CHM: variants seen among roughly 807,000 people sequenced by gnomAD.
CHM encodes the protein CHM Rab escort protein, also known as rab proteins geranylgeranyltransferase component A 1.
A neutral mutation model predicts 49.0 loss-of-function variants in CHM; 10 were observed. The ratio of observed to expected loss-of-function variants is 0.20; its 90% CI spans 0.13 to 0.35. CHM has a LOEUF of 0.35. CHM is among the 10% of genes least tolerant of loss of function. The probability of loss-of-function intolerance (pLI) is 1.00; values close to 1 mark genes in which losing one functional copy is unlikely to be tolerated. For missense variants in CHM, 455 were observed against 478.4 expected (o/e 0.95, Z 0.46); for synonymous variants, 184 against 167.5 (o/e 1.10, Z -0.76).
rs751717023 is a variant in CHM at position 85,925,871 on chromosome X, G to A, written c.1167-14533C>T. 2.7e-5 allele frequency among the ~76,000 whole-genome samples: 3 copies of A among 111,086 alleles called. No homozygotes were observed. The South Asian group carries it at 1.1e-3, about 42-fold the overall frequency. On this transcript the variant is annotated intron_variant, in intron 8 of 14. Transcript: ENST00000357749. The stretch of plus-strand genomic sequence containing the variant: ...AATATCAAAAGTGAATGTCTTTAGG[G>A]AGCCCTACATAACAACTCCTAGATC...
chrX:85,976,623 C>CA lies in CHM; in HGVS notation c.314+2143dup, dbSNP rs1164776689. Among the ~76,000 whole-genome samples, 755 of 85,126 alleles carry CA rather than the reference C, an allele frequency of 8.9e-3. 10 individuals carry two copies. The highest frequency in any genetic ancestry group is 0.047 in the Middle Eastern group (6 of 128). 73.9% of individuals were successfully genotyped at this position (85,126 alleles called of 115,157 possible). On this transcript the variant is annotated intron_variant, in intron 4 of 14. Coordinates refer to ENST00000357749, the MANE Select transcript of CHM (RefSeq NM_000390.4). ...TGGGTAGCAGAGTGAGACTCCGTCT[C>CA]AAAAAAAAAAAAATAGTAGCATGTT... is the stretch of plus-strand genomic sequence containing the variant.
chrX:85,984,739 T>A (rs773710629), intron 2 of CHM, among the ~76,000 whole-genome samples: 1 of 111,844 alleles, frequency 8.9e-6, no homozygotes, highest in Admixed American at 9.5e-5. Context: ...CTGTCGTATA[T>A]CCATAAAATG....
At chrX:86,012,217 G>A (rs1460636304) in intron 2 of CHM, among the ~76,000 whole-genome samples, 3 of 111,563 alleles carry the variant, frequency 2.7e-5, no homozygotes, top group African/African-American at 9.8e-5. Flanking sequence ...GAAAAATACT[G>A]ACCCTAAAGC....
intron 2 of CHM, among the ~76,000 whole-genome samples, chrX:86,002,979 C>T (rs750632154): frequency 1.9e-4 from 21 of 112,110 alleles, no homozygotes; most frequent in Admixed American, 5.6e-4. Flanking sequence ...AGACATCTCC[C>T]AGTAGGGGCC....
intron 12 of CHM, among the ~76,000 whole-genome samples, chrX:85,882,083 GA>G (rs995737124): frequency 2.7e-5 from 3 of 111,278 alleles, no homozygotes; most frequent in African/African-American, 9.8e-5. Flanking sequence ...TACGATGTTA[GA>G]AATTATATTC....
intron 2 of CHM, among the ~76,000 whole-genome samples, chrX:86,009,342 A>G (rs906875601): frequency 8.9e-6 from 1 of 112,333 alleles, no homozygotes; most frequent in African/African-American, 3.2e-5. Context: ...GTCATATACT[A>G]TTATATTGAG....
chrX:86,008,125 G>A (rs1932904724), intron 2 of CHM, among the ~76,000 whole-genome samples: 1 of 111,657 alleles, frequency 9.0e-6, no homozygotes, highest in Non-Finnish European at 1.9e-5. Context: ...GATGAAGCTG[G>A]AAACCATCAT....
intron 8 of CHM, among the ~76,000 whole-genome samples, chrX:85,919,184 T>C (rs1327200755): frequency 2.7e-5 from 3 of 111,862 alleles, no homozygotes; most frequent in Non-Finnish European, 5.6e-5. Context: ...TAAATGTCTT[T>C]CCACATTACA....
chrX:85,862,245 C>T lies in CHM; in HGVS notation c.*2385G>A, dbSNP rs1923392658. 1 of 112,077 alleles carries T rather than the reference C, an allele frequency of 8.9e-6. No individual in the cohort carries two copies. Among genetic ancestry groups the T allele is most frequent in the African/African-American group, 3.2e-5 (1 of 30,793 alleles). The allele number at this position is 112,077 out of a possible 1,213,427, so 9.2% of individuals were successfully genotyped here. A position where few individuals can be genotyped will look rare whatever the true frequency, so the allele number is the denominator to read the frequency against. On this transcript the variant is annotated 3_prime_UTR_variant, in exon 15 of 15. Coordinates refer to ENST00000357749, the MANE Select transcript of CHM (RefSeq NM_000390.4). ...CTACATATAGGTGGCTGCAGTAAGG[C>T]CAATAGAATTTTTGTGGTTATTCTA...
At chrX:86,011,354 C>G (rs989468243) in intron 2 of CHM, among the ~76,000 whole-genome samples, 1 of 111,090 alleles carries the variant, frequency 9.0e-6, no homozygotes, top group African/African-American at 3.3e-5. Flanking sequence ...GAATTGTTCA[C>G]GTACAATGGG....
intron 2 of CHM, among the ~76,000 whole-genome samples, chrX:85,994,371 C>T (rs780335529): frequency 8.9e-6 from 1 of 111,943 alleles, no homozygotes; most frequent in South Asian, 3.7e-4. Flanking sequence ...GCAATTAACA[C>T]AGTCCAGTGC....
intron 2 of CHM, among the ~76,000 whole-genome samples, chrX:86,021,126 G>GTATATATATATATATATA (rs3078128): frequency 1.3e-4 from 7 of 55,940 alleles, no homozygotes; most frequent in South Asian, 1.0e-3. Context: ...GTGTATATAC[G>GTATATATATATATATATA]TATATATATA....
At chrX:86,004,582 GA>G (rs1932813616) in intron 2 of CHM, among the ~76,000 whole-genome samples, 1 of 111,126 alleles carries the variant, frequency 9.0e-6, no homozygotes, top group Non-Finnish European at 1.9e-5. Flanking sequence ...CAAGTAAATG[GA>G]AAGCATAAAA....
intron 2 of CHM, among the ~76,000 whole-genome samples, chrX:85,990,337 T>C (rs1932119689): frequency 1.8e-5 from 2 of 111,507 alleles, no homozygotes; most frequent in African/African-American, 6.5e-5. Flanking sequence ...GGAGTCTACT[T>C]GAGGGTGAGA....
At chrX:86,031,665 A>AC (rs1311759895) in intron 1 of CHM, among the ~76,000 whole-genome samples, 1 of 110,798 alleles carries the variant, frequency 9.0e-6, no homozygotes, top group East Asian at 2.8e-4. Flanking sequence ...ACATGTAGAA[A>AC]CCCCATCTCT....
At chrX:85,988,327 A>G (rs973221665) in intron 2 of CHM, among the ~76,000 whole-genome samples, 3 of 112,103 alleles carry the variant, frequency 2.7e-5, no homozygotes, top group Non-Finnish European at 5.6e-5. Flanking sequence ...AAAAACTCTC[A>G]GCACACTAAG....
intron 4 of CHM, among the ~76,000 whole-genome samples, chrX:85,973,029 G>A (rs936922166): frequency 3.6e-5 from 4 of 110,702 alleles, no homozygotes; most frequent in Admixed American, 1.9e-4. Flanking sequence ...GGCCGGGCGC[G>A]GTGGCTCATG....
intron 2 of CHM, among the ~76,000 whole-genome samples, chrX:85,985,692 T>C (rs1361405221): frequency 3.7e-5 from 4 of 108,225 alleles, no homozygotes; most frequent in Non-Finnish European, 7.7e-5. Flanking sequence ...CTTCCTCGGA[T>C]GGATCTCCCA....
At chrX:85,997,954 A>G (rs1932518694) in intron 2 of CHM, among the ~76,000 whole-genome samples, 1 of 110,459 alleles carries the variant, frequency 9.1e-6, no homozygotes, top group African/African-American at 3.3e-5. Context: ...CGTCTAAAAA[A>G]AAAAGTGAAG....
Sources: gnomAD v4.1 joint callset for allele counts (sites outside exome capture counted in the v4.1 genomes callset) on GRCh38, gnomAD v4.1.1 for gene constraint, MANE v1.5 for transcripts, NCBI Gene and HGNC (gene_info 2026-07-23, HGNC 2026-07-21) for gene names.